KCNT2: variants seen among roughly 807,000 people sequenced by gnomAD.
KCNT2 encodes the protein potassium sodium-activated channel subfamily T member 2.
KCNT2 carries 67 observed loss-of-function variants against 153.8 expected under a neutral mutation model. The ratio of observed to expected loss-of-function variants is 0.44; its 90% CI spans 0.36 to 0.53. The LOEUF is 0.53. Among genes scored for constraint, KCNT2 ranks in the 20% least tolerant of loss-of-function variants. The pLI is 0.00. For missense variants in KCNT2, 975 were observed against 1,354.8 expected, an observed-to-expected ratio of 0.72 and a Z score of 4.40; for synonymous variants, 500 against 458.8, an observed-to-expected ratio of 1.09 and a Z score of -1.15.
intron 1 of KCNT2, among the ~76,000 whole-genome samples, chr1:196,516,535 C>A (rs2148812709): frequency 6.6e-6 from 1 of 152,308 alleles, no homozygotes; most frequent in African/African-American, 2.4e-5. Context: ...TGCTATTTTG[C>A]CACCTTAGCC....
chr1:196,314,815 T>C (rs1380167828), intron 21 of KCNT2, among the ~76,000 whole-genome samples: 1 of 151,642 alleles, frequency 6.6e-6, no homozygotes, highest in Non-Finnish European at 1.5e-5. Context: ...TTCTGCCACA[T>C]GGAAGTGATA....
chr1:196,334,041 C>T lies in KCNT2; in HGVS notation c.1803G>A (p.Leu601=), dbSNP rs201543486. The change falls in exon 17 of 28, where the codon TTG becomes TTA. Residue 601 remains leucine (L), a synonymous_variant. Coordinates refer to ENST00000294725, the MANE Select transcript of KCNT2 (RefSeq NM_198503.5). ...TTGCTGATCTACAGCTTGTATCTTG[C>T]AAGTCTATAGCCACAGTACCTAAAA... ...IASMGTVAID[L]QDTSCRSASG... 2 of 1,612,782 alleles carry T rather than the reference C, an allele frequency of 1.2e-6. No homozygotes were observed. The highest frequency in any genetic ancestry group is 2.2e-5 in the East Asian group (1 of 44,734).
At chr1:196,398,532 T>A in intron 13 of KCNT2, 31 bp downstream of exon 13, 1 of 1,242,796 alleles carries the variant, frequency 8.0e-7, no homozygotes, top group East Asian at 2.4e-5. Flanking sequence ...TTCAGGAAAT[T>A]CAATGGATCT....
At chr1:196,424,084 A>C (rs1401719874) in intron 11 of KCNT2, among the ~76,000 whole-genome samples, 1 of 151,926 alleles carries the variant, frequency 6.6e-6, no homozygotes, top group East Asian at 1.9e-4. Flanking sequence ...TTAGAGTATG[A>C]CCAGATAGCT....
chr1:196,289,362 T>G (rs1297138222), intron 22 of KCNT2, among the ~76,000 whole-genome samples: 2 of 152,130 alleles, frequency 1.3e-5, no homozygotes, highest in Non-Finnish European at 2.9e-5. Context: ...TTTAATTTAT[T>G]AATAATCTAT....
At chr1:196,435,618 C>A (rs1412369526) in intron 8 of KCNT2, among the ~76,000 whole-genome samples, 5 of 151,630 alleles carry the variant, frequency 3.3e-5, no homozygotes, top group African/African-American at 1.2e-4. Flanking sequence ...TGTTGACGTA[C>A]AAATCAAATG....
intron 1 of KCNT2, among the ~76,000 whole-genome samples, chr1:196,531,795 T>A (rs1421722556): frequency 6.6e-6 from 1 of 152,044 alleles, no homozygotes. Flanking sequence ...AGAGATGTAT[T>A]TATTTCAGCA....
At chr1:196,260,336 G>A (rs1656891767) in intron 25 of KCNT2, among the ~76,000 whole-genome samples, 2 of 151,772 alleles carry the variant, frequency 1.3e-5, no homozygotes, top group South Asian at 2.1e-4. Flanking sequence ...TCTTTTCCAA[G>A]TAGGAGATGA....
At chr1:196,381,202 A>G (rs1669459410) in intron 13 of KCNT2, among the ~76,000 whole-genome samples, 1 of 152,146 alleles carries the variant, frequency 6.6e-6, no homozygotes, top group South Asian at 2.1e-4. Context: ...GTTTCAGGCT[A>G]TTAAATACTC....
chr1:196,458,956 C>T (rs1676918547), intron 8 of KCNT2, among the ~76,000 whole-genome samples: 1 of 151,794 alleles, frequency 6.6e-6, no homozygotes, highest in Admixed American at 6.6e-5. Flanking sequence ...TTCAAATCAG[C>T]CCTCAACTTG....
At chr1:196,413,669 A>C (rs537042919) in intron 12 of KCNT2, among the ~76,000 whole-genome samples, 40 of 151,904 alleles carry the variant, frequency 2.6e-4, no homozygotes, top group Non-Finnish European at 5.3e-4. Context: ...GATCACAATG[A>C]AATTACACTT....
intron 8 of KCNT2, among the ~76,000 whole-genome samples, chr1:196,432,400 G>A (rs556082505): frequency 6.6e-6 from 1 of 152,224 alleles, no homozygotes; most frequent in South Asian, 2.1e-4. Context: ...CAGTGTGGGA[G>A]AGCTGGAGAT....
chr1:196,419,957 CTT>C (rs1673066318), intron 12 of KCNT2, among the ~76,000 whole-genome samples: 1 of 151,892 alleles, frequency 6.6e-6, no homozygotes, highest in South Asian at 2.1e-4. Flanking sequence ...CGTATTATGT[CTT>C]TCATAATATT....
chr1:196,389,235 A>G (rs1670265315), intron 13 of KCNT2, among the ~76,000 whole-genome samples: 1 of 151,720 alleles, frequency 6.6e-6, no homozygotes, highest in Non-Finnish European at 1.5e-5. Flanking sequence ...TGGATTTGCT[A>G]CTGATTTGTT....
At chr1:196,443,905 A>C (rs536385770) in intron 8 of KCNT2, among the ~76,000 whole-genome samples, 3 of 151,512 alleles carry the variant, frequency 2.0e-5, no homozygotes, top group Non-Finnish European at 4.4e-5. Flanking sequence ...TTGCATGGAC[A>C]CATATCATAA....
intron 13 of KCNT2, among the ~76,000 whole-genome samples, chr1:196,378,463 G>T (rs1669157181): frequency 6.6e-6 from 1 of 151,946 alleles, no homozygotes; most frequent in Non-Finnish European, 1.5e-5. Flanking sequence ...TTAGGGAATG[G>T]ATGAGTGTTT....
intron 5 of KCNT2, among the ~76,000 whole-genome samples, chr1:196,478,345 C>T (rs537036025): frequency 1.1e-4 from 17 of 152,158 alleles, no homozygotes; most frequent in Non-Finnish European, 2.5e-4. Flanking sequence ...ACTAATATTC[C>T]TAAAACTGAA....
intron 12 of KCNT2, among the ~76,000 whole-genome samples, chr1:196,404,336 GT>G (rs947235541): frequency 6.6e-6 from 1 of 151,600 alleles, no homozygotes; most frequent in Non-Finnish European, 1.5e-5. Context: ...ATCAGATGCA[GT>G]TTTTTCCAAC....
At chr1:196,449,576 T>C (rs564225477) in intron 8 of KCNT2, among the ~76,000 whole-genome samples, 77 of 151,770 alleles carry the variant, frequency 5.1e-4, no homozygotes, top group African/African-American at 1.8e-3. Context: ...ATTGCTAAAA[T>C]AAGTATCTCA....
Sources: gnomAD v4.1 joint callset for allele counts (sites outside exome capture counted in the v4.1 genomes callset) on GRCh38, gnomAD v4.1.1 for gene constraint, MANE v1.5 for transcripts, NCBI Gene and HGNC (gene_info 2026-07-23, HGNC 2026-07-21) for gene names.